Variants in GADL1 observed in about 807,000 individuals in gnomAD.
The protein encoded by GADL1 is GAD like acidic amino acid decarboxylase 1, also known as acidic amino acid decarboxylase GADL1.
In GADL1, 71 loss-of-function variants were observed where a neutral mutation model predicts 69.5. The observed-to-expected ratio is 1.02, with a 90% confidence interval of 0.84 to 1.25. The LOEUF is 1.25. GADL1 is among the 50% of genes most tolerant of loss of function. The probability of loss-of-function intolerance (pLI) is 0.00; values close to 1 mark genes in which losing one functional copy is unlikely to be tolerated. For synonymous variants in GADL1, 254 were observed against 214.4 expected (o/e 1.18, Z -1.62); for missense variants, 737 against 631.8 (o/e 1.17, Z -1.79).
intron 14 of GADL1, among the ~76,000 whole-genome samples, chr3:30,751,869 A>C (rs1695828614): frequency 6.6e-6 from 1 of 152,238 alleles, no homozygotes; most frequent in Admixed American, 6.5e-5. Flanking sequence ...TGGCAGGGCT[A>C]AATCTAGCTT....
intron 13 of GADL1, chr3:30,778,654 ATTC>A (rs774925536): frequency 2.7e-4 from 44 of 160,038 alleles, no homozygotes; most frequent in Middle Eastern, 3.1e-3. Flanking sequence ...GCTTCCAATA[ATTC>A]TTCTTAAGGC....
chr3:30,877,475 A>C (rs543108851), intron 1 of GADL1, among the ~76,000 whole-genome samples: 18 of 152,052 alleles, frequency 1.2e-4, no homozygotes, highest in Non-Finnish European at 1.9e-4. Context: ...TTTATCCTCT[A>C]TCACTGCATC....
At chr3:30,796,895 T>G (rs967511328) in intron 12 of GADL1, among the ~76,000 whole-genome samples, 1 of 152,160 alleles carries the variant, frequency 6.6e-6, no homozygotes, top group African/African-American at 2.4e-5. Context: ...AATTACTGAC[T>G]TCTAAAAGTC....
chr3:30,874,961 C>T (rs1363925281), intron 1 of GADL1, among the ~76,000 whole-genome samples: 2 of 152,016 alleles, frequency 1.3e-5, no homozygotes, highest in South Asian at 2.1e-4. Context: ...ACTCACACAA[C>T]TGCATCCAAC....
intron 6 of GADL1, among the ~76,000 whole-genome samples, chr3:30,847,682 G>A (rs1698080597): frequency 6.6e-6 from 1 of 152,166 alleles, no homozygotes; most frequent in Non-Finnish European, 1.5e-5. Flanking sequence ...TGCTCGAAGT[G>A]ATGTAATTTT....
At chr3:30,744,349 C>T (rs967363721) in intron 14 of GADL1, among the ~76,000 whole-genome samples, 1 of 152,066 alleles carries the variant, frequency 6.6e-6, no homozygotes, top group Admixed American at 6.6e-5. Context: ...GGAGTATCTA[C>T]CATCATAAAG....
At chr3:30,825,320 G>C (rs772284962) in intron 11 of GADL1, among the ~76,000 whole-genome samples, 2 of 151,748 alleles carry the variant, frequency 1.3e-5, no homozygotes, top group Non-Finnish European at 2.9e-5. Flanking sequence ...AACAAATTAG[G>C]GTTTAAATAC....
chr3:30,759,776 G>A (rs777786869), intron 14 of GADL1, among the ~76,000 whole-genome samples: 1 of 152,156 alleles, frequency 6.6e-6, no homozygotes, highest in Non-Finnish European at 1.5e-5. Context: ...CATATGGCTG[G>A]ATTTGGCTAA....
intron 11 of GADL1, among the ~76,000 whole-genome samples, chr3:30,819,920 A>G (rs1697542024): frequency 6.6e-6 from 1 of 152,082 alleles, no homozygotes; most frequent in African/African-American, 2.4e-5. Context: ...AAAACTGAAC[A>G]CAGAATTATC....
intron 11 of GADL1, among the ~76,000 whole-genome samples, chr3:30,817,522 A>C (rs1241477993): frequency 6.6e-6 from 1 of 152,182 alleles, no homozygotes; most frequent in Non-Finnish European, 1.5e-5. Context: ...TGGGAAATGA[A>C]ATCTATTACA....
intron 1 of GADL1, among the ~76,000 whole-genome samples, chr3:30,862,285 C>T (rs937949016): frequency 1.3e-5 from 2 of 151,996 alleles, no homozygotes; most frequent in Admixed American, 1.3e-4. Context: ...CAGGAGAGTT[C>T]GAGATGGAGG....
rs201518367 is a variant in GADL1, at chr3:30,844,177, G to A, written c.786+33C>T. 1.1e-4 allele frequency: 167 copies of A among 1,579,622 alleles called. 2 individuals carry two copies. In the South Asian group the frequency reaches 1.6e-3, roughly 15 times the overall value. ...CGCGGGCGTGCGCGCACACACACAC[G>A]TTCTCTCTCCCTCTCGCTTTCTCCC... On this transcript the variant is annotated intron_variant, in intron 8 of 14. Coordinates refer to ENST00000282538, the MANE Select transcript of GADL1 (RefSeq NM_207359.3).
At chr3:30,741,120 A>G (rs1320907899) in intron 14 of GADL1, among the ~76,000 whole-genome samples, 3 of 110,700 alleles carry the variant, frequency 2.7e-5, no homozygotes, top group Admixed American at 8.6e-5. Context: ...TAGTATATAT[A>G]TATATATATA....
At chr3:30,830,274 C>A (rs897307092) in intron 11 of GADL1, among the ~76,000 whole-genome samples, 1 of 151,910 alleles carries the variant, frequency 6.6e-6, no homozygotes, top group African/African-American at 2.4e-5. Flanking sequence ...CAGCTTATGA[C>A]CATACTTCTG....
intron 11 of GADL1, among the ~76,000 whole-genome samples, chr3:30,822,725 A>ATGTC: frequency 6.6e-6 from 1 of 152,152 alleles, no homozygotes; most frequent in South Asian, 2.1e-4. Context: ...GTTAACTGAT[A>ATGTC]TGTCACCTCT....
chr3:30,892,994 A>T (rs1290368182), intron 1 of GADL1, among the ~76,000 whole-genome samples: 1 of 152,130 alleles, frequency 6.6e-6, no homozygotes, highest in Non-Finnish European at 1.5e-5. Flanking sequence ...GTACTGGATT[A>T]CAGGCACCCA....
At chr3:30,757,667 TC>T (rs1696010438) in intron 14 of GADL1, among the ~76,000 whole-genome samples, 3 of 152,190 alleles carry the variant, frequency 2.0e-5, no homozygotes, top group Admixed American at 2.0e-4. Context: ...GACCTAGAAT[TC>T]CAATCATCCA....
intron 11 of GADL1, among the ~76,000 whole-genome samples, chr3:30,811,726 C>T (rs924001873): frequency 6.6e-6 from 1 of 152,148 alleles, no homozygotes; most frequent in African/African-American, 2.4e-5. Flanking sequence ...GCTGGCATGA[C>T]TTACAATTGA....
chr3:30,806,211 C>CA (rs36038746), intron 11 of GADL1, among the ~76,000 whole-genome samples: 47 of 151,356 alleles, frequency 3.1e-4, no homozygotes, highest in Non-Finnish European at 5.8e-4. Flanking sequence ...TATTTACATG[C>CA]AAAAAAAATG....
Sources: allele counts gnomAD v4.1 joint callset (sites outside exome capture counted in the v4.1 genomes callset), GRCh38; gene constraint gnomAD v4.1.1; transcripts MANE v1.5; gene names NCBI Gene and HGNC (gene_info 2026-07-23, HGNC 2026-07-21).